Variants in INPP5F observed in about 807,000 individuals in gnomAD.
The protein encoded by INPP5F is inositol polyphosphate-5-phosphatase F, also known as phosphatidylinositide 4-phosphatase SAC2.
Under a neutral mutation model 137.2 loss-of-function variants are expected in INPP5F, and 97 were observed. The ratio of observed to expected loss-of-function variants is 0.71; its 90% CI spans 0.60 to 0.84. INPP5F has a LOEUF of 0.84. Ranked by LOEUF, INPP5F falls within the 40% of genes least tolerant of loss-of-function variation. INPP5F has a pLI of 0.00. For missense variants in INPP5F, 1,271 were observed against 1,371.9 expected (o/e 0.93, Z 1.16); for synonymous variants, 504 against 476.9 (o/e 1.06, Z -0.74).
chr10:119,762,639 G>C (rs1849041892), intron 2 of INPP5F, among the ~76,000 whole-genome samples: 1 of 152,086 alleles, frequency 6.6e-6, no homozygotes, highest in African/African-American at 2.4e-5. Flanking sequence ...AAGTAATCTA[G>C]AGATGATTTA....
At chr10:119,807,810 C>A in intron 12 of INPP5F, 122 bp from the exon 13 acceptor site, 1 of 891,476 alleles carries the variant, frequency 1.1e-6, no homozygotes. Context: ...TCTGAAAAGA[C>A]CATTTCTCTT....
At chr10:119,796,574 C>T in intron 6 of INPP5F, 141 bp from the exon 7 acceptor site, 1 of 750,634 alleles carries the variant, frequency 1.3e-6, no homozygotes, top group Admixed American at 2.1e-5. Context: ...TGGTGTTCTT[C>T]AATAAGCAGA....
chr10:119,809,613 T>C (rs189459966), intron 13 of INPP5F, among the ~76,000 whole-genome samples: 217 of 152,344 alleles, frequency 1.4e-3, no homozygotes, highest in Non-Finnish European at 2.4e-3. Context: ...GTGCTGGTGA[T>C]GTGCAGCAAG....
chr10:119,774,616 C>T lies in INPP5F; in HGVS notation c.179-7019C>T, dbSNP rs371330501. On this transcript the variant is annotated intron_variant, in intron 2 of 19. Coordinates refer to ENST00000650623, the MANE Select transcript of INPP5F (RefSeq NM_014937.4). The stretch of plus-strand genomic sequence containing the variant: ...CCCAAAGTGCTGGAAGTACCACTCC[C>T]GACCTAGACATTTCTTAATTGGAAT... Among the ~76,000 whole-genome samples the T allele has an allele frequency of 1.3e-4, 19 of 151,872 alleles. 1 individual carries two copies. Among genetic ancestry groups the T allele is most frequent in the South Asian group, 6.2e-4 (3 of 4,830 alleles).
rs1480677234 is a variant in INPP5F at position 119,751,019 on chromosome 10, G to T, written c.98-57G>T. ...TTTTCAATACACTGCTAAAGATACT[G>T]TTTTAATATATTTTCTGGTGAATGT... On this transcript the variant is annotated intron_variant, in intron 1 of 19. Transcript: ENST00000650623. 1.2e-5 allele frequency: 13 copies of T among 1,109,766 alleles called. No individual in the cohort carries two copies. In the Admixed American group the frequency reaches 2.2e-4, roughly 19 times the overall value. The allele number at this position is 1,109,766 out of a possible 1,614,324, so 68.7% of individuals were successfully genotyped here.
intron 19 of INPP5F, among the ~76,000 whole-genome samples, chr10:119,824,216 T>TG (rs1250978814): frequency 1.3e-5 from 2 of 152,198 alleles, no homozygotes; most frequent in Non-Finnish European, 2.9e-5. Flanking sequence ...AAAGTAACCT[T>TG]GGCACGGTAA....
chr10:119,766,960 C>G (rs1849183270), intron 2 of INPP5F, among the ~76,000 whole-genome samples: 1 of 151,698 alleles, frequency 6.6e-6, no homozygotes, highest in Admixed American at 6.6e-5. Context: ...TGAAAATTAG[C>G]CAGGCGTGGT....
In INPP5F at chr10:119,749,601, C is replaced by G; in HGVS notation, c.98-1475C>G. Among the ~76,000 whole-genome samples, 2 of 152,142 alleles carry G rather than the reference C, an allele frequency of 1.3e-5. 1 individual carries two copies. The highest frequency in any genetic ancestry group is 3.9e-4 in the East Asian group (2 of 5,192). On this transcript the variant is annotated intron_variant, in intron 1 of 19. Coordinates refer to ENST00000650623, the MANE Select transcript of INPP5F (RefSeq NM_014937.4). ...TTTAGAGCAGGGGCTAAGCGTCAGG[C>G]TGACCTGGTTTTTGGTAGCAGCCTT...
At chr10:119,776,722 AAGAGAGGTCCTTG>A (rs1849535222) in intron 2 of INPP5F, among the ~76,000 whole-genome samples, 1 of 150,776 alleles carries the variant, frequency 6.6e-6, no homozygotes, top group Non-Finnish European at 1.5e-5. Context: ...GAGAGAGAGA[AAGAGAGGTCCTTG>A]AGTCATAAAG....
At chr10:119,737,879 T>C (rs1174491811) in intron 1 of INPP5F, among the ~76,000 whole-genome samples, 3 of 152,230 alleles carry the variant, frequency 2.0e-5, no homozygotes, top group Admixed American at 6.5e-5. Flanking sequence ...GGTCTGATTA[T>C]TTATGCATAC....
intron 15 of INPP5F, chr10:119,819,775 T>C (rs1183741242): frequency 2.8e-6 from 1 of 356,480 alleles, no homozygotes; most frequent in Non-Finnish European, 5.0e-6. Context: ...AGATTAAGAC[T>C]GTTGGACTCA....
At chr10:119,780,089 A>C (rs1028263790) in intron 2 of INPP5F, among the ~76,000 whole-genome samples, 1 of 152,200 alleles carries the variant, frequency 6.6e-6, no homozygotes, top group African/African-American at 2.4e-5. Flanking sequence ...TGCTACATTT[A>C]TGATGTCACT....
At chr10:119,738,854 A>T (rs1192854954) in intron 1 of INPP5F, among the ~76,000 whole-genome samples, 1 of 152,098 alleles carries the variant, frequency 6.6e-6, no homozygotes, top group African/African-American at 2.4e-5. Flanking sequence ...TACCTGCTAG[A>T]GTTTTCAAGA....
chr10:119,769,841 C>T (rs1849285742), intron 2 of INPP5F, among the ~76,000 whole-genome samples: 1 of 152,136 alleles, frequency 6.6e-6, no homozygotes, highest in African/African-American at 2.4e-5. Context: ...TTCTGGTTCT[C>T]CAGCTTGCAG....
chr10:119,796,036 C>T (rs1178262770), intron 6 of INPP5F, among the ~76,000 whole-genome samples: 2 of 132,254 alleles, frequency 1.5e-5, no homozygotes, highest in Non-Finnish European at 3.1e-5. Flanking sequence ...CAGTACCGTC[C>T]AGCTTCGGCT....
At chr10:119,738,795 T>C (rs1335046353) in intron 1 of INPP5F, among the ~76,000 whole-genome samples, 1 of 152,192 alleles carries the variant, frequency 6.6e-6, no homozygotes, top group African/African-American at 2.4e-5. Flanking sequence ...CAGGCCTTCC[T>C]CTATTGTTTT....
At chr10:119,824,260 A>G (rs1176531103) in intron 19 of INPP5F, among the ~76,000 whole-genome samples, 2 of 152,238 alleles carry the variant, frequency 1.3e-5, no homozygotes, top group African/African-American at 2.4e-5. Context: ...CTAGGTGTTC[A>G]CTAGCATCCT....
chr10:119,785,407 T>TCCCC (rs1849860712), intron 3 of INPP5F, among the ~76,000 whole-genome samples: 1 of 151,534 alleles, frequency 6.6e-6, no homozygotes, highest in Non-Finnish European at 1.5e-5. Context: ...TGCTTCAGTC[T>TCCCC]CCCGAGTAGC....
chr10:119,806,900 C>T (rs1028882221), intron 12 of INPP5F, among the ~76,000 whole-genome samples: 4 of 151,752 alleles, frequency 2.6e-5, no homozygotes, highest in African/African-American at 9.7e-5. Context: ...GTGAAGGAGC[C>T]TGTGTCTTTT....
Sources: allele counts gnomAD v4.1 joint callset (sites outside exome capture counted in the v4.1 genomes callset), GRCh38; gene constraint gnomAD v4.1.1; transcripts MANE v1.5; gene names NCBI Gene and HGNC (gene_info 2026-07-23, HGNC 2026-07-21).